The following IL1RAP variants were observed in gnomAD, a reference collection of about 807,000 sequenced individuals.
IL1RAP encodes interleukin-1 receptor accessory protein.
Under a neutral mutation model 60.7 loss-of-function variants are expected in IL1RAP, and 35 were observed. That is an observed-to-expected ratio of 0.58 (90% CI 0.44 to 0.76). The LOEUF (loss-of-function observed/expected upper bound fraction) is 0.76, where lower values mean the gene tolerates loss of function less well. Among genes scored for constraint, IL1RAP ranks in the 30% least tolerant of loss-of-function variants. IL1RAP has a pLI of 0.00. For missense variants in IL1RAP, 572 were observed against 693.9 expected (o/e 0.82, Z 1.97); for synonymous variants, 268 against 250.9 (o/e 1.07, Z -0.64).
At chr3:190,605,559 T>C (rs1465740354) in intron 4 of IL1RAP, among the ~76,000 whole-genome samples, 2 of 152,150 alleles carry the variant, frequency 1.3e-5, no homozygotes, top group Non-Finnish European at 2.9e-5. Flanking sequence ...AGGGCTGCAA[T>C]GACAAAATAC....
chr3:190,593,918 C>G (rs1364460127), intron 3 of IL1RAP, among the ~76,000 whole-genome samples: 1 of 152,092 alleles, frequency 6.6e-6, no homozygotes, highest in Admixed American at 6.5e-5. Flanking sequence ...AGAAAAATGT[C>G]TAGATATTTA....
chr3:190,611,017 T>C (rs1730777122), intron 5 of IL1RAP, among the ~76,000 whole-genome samples: 1 of 152,194 alleles, frequency 6.6e-6, no homozygotes, highest in South Asian at 2.1e-4. Context: ...TAAAGGAGAA[T>C]AATCAAGTAT....
intron 10 of IL1RAP, 144 bp from the exon 11 acceptor site, chr3:190,645,555 G>A (rs1361986866): frequency 1.1e-5 from 7 of 623,446 alleles, no homozygotes; most frequent in East Asian, 5.4e-5. Context: ...GTCGTTTTGC[G>A]TGGAGACTTG....
intron 3 of IL1RAP, 88 bp downstream of exon 3, chr3:190,564,441 A>G (rs1317253238): frequency 2.4e-6 from 2 of 850,560 alleles, no homozygotes; most frequent in Admixed American, 1.8e-5. Flanking sequence ...ATTTAAATAA[A>G]CATAATGTTA....
intron 1 of IL1RAP, chr3:190,554,593 G>C (rs1421379584): frequency 6.6e-6 from 1 of 152,214 alleles, no homozygotes; most frequent in Non-Finnish European, 1.5e-5. Context: ...CAAGAGATAC[G>C]TGATATGTTA....
intron 9 of IL1RAP, chr3:190,629,759 T>C: frequency 8.6e-7 from 1 of 1,166,702 alleles, no homozygotes; most frequent in Non-Finnish European, 1.1e-6. Context: ...AGACACAATT[T>C]TGTGTCTGTA....
chr3:190,628,931 C>A (rs753058669), intron 8 of IL1RAP, among the ~76,000 whole-genome samples: 13 of 152,216 alleles, frequency 8.5e-5, no homozygotes, highest in Admixed American at 1.3e-4. Context: ...AAAAGAGGAA[C>A]CTGAGACCTG....
At chr3:190,578,257 G>A (rs1727674121) in intron 3 of IL1RAP, among the ~76,000 whole-genome samples, 1 of 152,062 alleles carries the variant, frequency 6.6e-6, no homozygotes, top group African/African-American at 2.4e-5. Flanking sequence ...ATTTATAATT[G>A]GAAGTAAAGG....
At chr3:190,527,560 G>A in intron 1 of IL1RAP, among the ~76,000 whole-genome samples, 1 of 151,512 alleles carries the variant, frequency 6.6e-6, no homozygotes, top group Admixed American at 6.6e-5. Flanking sequence ...TGGAAGGCAG[G>A]AAGTTTCATT....
In IL1RAP at chr3:190,631,959, C is replaced by T. The variant is rs142422434; in HGVS notation, c.1051+2461C>T. 6.8e-3 allele frequency among the ~76,000 whole-genome samples: 1,040 copies of T among 152,200 alleles called. 14 individuals are homozygous for T. The highest frequency in any genetic ancestry group is 0.024 in the African/African-American group (995 of 41,522). On this transcript the variant is annotated intron_variant, in intron 9 of 11. Transcript: ENST00000447382. ...GGGACTACACAGGCATGTGCCACCA[C>T]GCCTGGCTAATTTTTGTATTTTTGC...
intron 3 of IL1RAP, among the ~76,000 whole-genome samples, chr3:190,568,830 A>T (rs1185362360): frequency 1.3e-5 from 2 of 152,208 alleles, no homozygotes; most frequent in Non-Finnish European, 2.9e-5. Context: ...GTTAACAATG[A>T]TTTCACTTTA....
At chr3:190,655,558 C>CGTGTGT (rs34341875), downstream of IL1RAP, among the ~76,000 whole-genome samples, 6,324 of 131,072 alleles carry the variant, frequency 0.048, 225 homozygotes, top group East Asian at 0.15. Context: ...AATTGCCCAC[C>CGTGTGT]GTGTGTGTGT....
chr3:190,564,318 T>G lies in IL1RAP; in HGVS notation c.29T>G (p.Leu10Arg). 6.2e-7 allele frequency: 1 copy of G among 1,612,280 alleles called. No individual in the cohort carries two copies. Among genetic ancestry groups the G allele is most frequent in the Non-Finnish European group, 8.5e-7 (1 of 1,178,470 alleles). Reference protein sequence around the residue: MTLLWCVVSLYFYGILQSDA... With the variant: MTLLWCVVSRYFYGILQSDA... ...ACACTTCTGTGGTGTGTAGTGAGTC[T>G]CTACTTTTATGGAATCCTGCAAAGT... The change falls in exon 3 of 12, where the codon CTC becomes CGC. Residue 10 changes from leucine to arginine, a missense_variant. Transcript: ENST00000447382.
chr3:190,557,786 T>C (rs1725550468), intron 2 of IL1RAP, among the ~76,000 whole-genome samples: 1 of 152,198 alleles, frequency 6.6e-6, no homozygotes, highest in Admixed American at 6.5e-5. Flanking sequence ...CCACTTAAAA[T>C]ATATTTCTAA....
At chr3:190,609,294 A>T in intron 5 of IL1RAP, 113 bp downstream of exon 5, 24 of 684,062 alleles carry the variant, frequency 3.5e-5, no homozygotes, top group South Asian at 1.4e-4. Flanking sequence ...TATCTGATCT[A>T]TTCCGTAATA....
At chr3:190,516,428 A>G (rs1721522868) in intron 1 of IL1RAP, 1 of 152,258 alleles carries the variant, frequency 6.6e-6, no homozygotes, top group African/African-American at 2.4e-5. Context: ...TTTGGTTCTG[A>G]TTCTTCAAAG....
downstream of IL1RAP, among the ~76,000 whole-genome samples, chr3:190,651,763 A>G (rs750127662): frequency 6.7e-6 from 1 of 150,080 alleles, no homozygotes; most frequent in Non-Finnish European, 1.5e-5. Flanking sequence ...TTATGGGTGT[A>G]TATGTGTTTA....
chr3:190,591,466 CCT>C (rs1474052569), intron 3 of IL1RAP, among the ~76,000 whole-genome samples: 1 of 152,116 alleles, frequency 6.6e-6, no homozygotes, highest in Admixed American at 6.5e-5. Flanking sequence ...TGTTTTTTGT[CCT>C]CTCTCGACTG....
chr3:190,584,746 G>C (rs934295827), intron 3 of IL1RAP, among the ~76,000 whole-genome samples: 9 of 152,130 alleles, frequency 5.9e-5, no homozygotes, highest in African/African-American at 2.2e-4. Flanking sequence ...TTCTGAAAAT[G>C]AGTTCTTCAT....
Sources: gnomAD v4.1 joint callset for allele counts (sites outside exome capture counted in the v4.1 genomes callset) on GRCh38, gnomAD v4.1.1 for gene constraint, MANE v1.5 for transcripts, NCBI Gene and HGNC (gene_info 2026-07-23, HGNC 2026-07-21) for gene names.